TMEM41B: variants seen among roughly 807,000 people sequenced by gnomAD.
TMEM41B encodes transmembrane protein 41B, also known as protein stasimon.
A neutral mutation model predicts 31.9 loss-of-function variants in TMEM41B; 18 were observed. The ratio of observed to expected loss-of-function variants is 0.56; its 90% CI spans 0.39 to 0.84. The LOEUF is 0.84. Ranked by LOEUF, TMEM41B falls within the 40% of genes least tolerant of loss-of-function variation. The probability of loss-of-function intolerance (pLI) is 0.00; values close to 1 mark genes in which losing one functional copy is unlikely to be tolerated. For missense variants in TMEM41B, 322 were observed against 348.0 expected (o/e 0.93, Z 0.59); for synonymous variants, 144 against 124.3 (o/e 1.16, Z -1.05).
chr11:9,287,700 A>T lies in TMEM41B; in HGVS notation c.567+2T>A. Reference sequence around the variant, plus strand: ...TCAAATAATTTAAAAATACATGTTTACCTGCTGTGACCATTTTACTGCTTT... The same window carrying T: ...TCAAATAATTTAAAAATACATGTTTTCCTGCTGTGACCATTTTACTGCTTT... On this transcript the variant is annotated splice_donor_variant, in intron 5 of 6. Coordinates refer to ENST00000528080, the MANE Select transcript of TMEM41B (RefSeq NM_015012.4). LOFTEE classifies it high-confidence loss of function. 8 of 1,596,306 alleles carry T rather than the reference A, an allele frequency of 5.0e-6. No homozygotes were observed. The highest frequency in any genetic ancestry group is 6.8e-6 in the Non-Finnish European group (8 of 1,168,284).
chr11:9,288,655 G>T, intron 3 of TMEM41B, 120 bp from the exon 4 acceptor site: 1 of 671,162 alleles, frequency 1.5e-6, no homozygotes, highest in Non-Finnish European at 2.4e-6. Flanking sequence ...TATATCCAAA[G>T]GTCTAGCCTC....
intron 1 of TMEM41B, among the ~76,000 whole-genome samples, chr11:9,310,601 A>G (rs1853534118): frequency 6.6e-6 from 1 of 151,766 alleles, no homozygotes; most frequent in Non-Finnish European, 1.5e-5. Context: ...AAACACCACC[A>G]AAAAAGTTAT....
intron 1 of TMEM41B, among the ~76,000 whole-genome samples, chr11:9,305,083 A>G (rs1176250035): frequency 6.6e-6 from 1 of 152,162 alleles, no homozygotes; most frequent in Non-Finnish European, 1.5e-5. Context: ...TGAGCCATAG[A>G]ACCGGGCTAG....
At chr11:9,299,762 T>C in intron 1 of TMEM41B, 61 bp from the exon 2 acceptor site, 1 of 1,171,726 alleles carries the variant, frequency 8.5e-7, no homozygotes, top group Non-Finnish European at 1.3e-6. Flanking sequence ...TAGCAAATAA[T>C]TTCTGTACAT....
Position 9,281,022 on chromosome 11 carries a change from T to C in TMEM41B, c.*2402A>G, listed in dbSNP as rs1330424949. The C allele has an allele frequency of 2.0e-5, 3 of 151,828 alleles. No homozygotes were observed. Among genetic ancestry groups the C allele is most frequent in the Admixed American group, 6.6e-5 (1 of 15,212 alleles). 9.4% of individuals were successfully genotyped at this position (151,828 alleles called of 1,614,324 possible). A position where few individuals can be genotyped will look rare whatever the true frequency, so the allele number is the denominator to read the frequency against. On this transcript the variant is annotated 3_prime_UTR_variant, in exon 7 of 7. Coordinates refer to ENST00000528080, the MANE Select transcript of TMEM41B (RefSeq NM_015012.4). ...TCTATTCTCTTAGGAGAAGAAAATA[T>C]ACCCCACCTAAAGTCGCAGCTACCA...
At chr11:9,288,566 T>C (rs372843057) in intron 3 of TMEM41B, 31 bp from the exon 4 acceptor site, 15 of 1,436,966 alleles carry the variant, frequency 1.0e-5, no homozygotes, top group Admixed American at 2.3e-5. Flanking sequence ...GATTAGAATA[T>C]AATTAAGTAG....
rs1012920721 is a variant in TMEM41B, at chr11:9,283,584, G to A, written c.716C>T (p.Pro239Leu). ...FFIGTFLGVA[P>L]PSFVAIKAGT... ...TGCCTTAATGGCTACAAAAGAAGGA[G>A]GTGCGACACCTGAAATAAAATATAA... is the stretch of plus-strand genomic sequence containing the variant. The change falls in exon 7 of 7, where the codon CCT becomes CTT. Residue 239 changes from proline (P) to leucine (L), a missense_variant. This residue lies in a region of TMEM41B where 92 missense variants were observed against 88.0 expected (regional missense o/e 1.05). Transcript: ENST00000528080. The A allele has an allele frequency of 1.2e-5, 19 of 1,599,876 alleles. No individual in the cohort carries two copies. Among genetic ancestry groups the A allele is most frequent in the Non-Finnish European group, 1.4e-5 (16 of 1,176,530 alleles).
chr11:9,297,903 A>T (rs1853138554), intron 2 of TMEM41B, among the ~76,000 whole-genome samples: 1 of 150,898 alleles, frequency 6.6e-6, no homozygotes, highest in African/African-American at 2.4e-5. Flanking sequence ...TGTCTCTACA[A>T]AAAATTAAAG....
At chr11:9,302,772 T>A (rs1853289399) in intron 1 of TMEM41B, among the ~76,000 whole-genome samples, 2 of 99,914 alleles carry the variant, frequency 2.0e-5, no homozygotes, top group Non-Finnish European at 2.1e-5. Flanking sequence ...TTCATGCACA[T>A]TAAAGTTTGA....
rs1397487243 is a variant in TMEM41B at position 9,281,346 on chromosome 11, AAAT to A, written c.*2075_*2077del. The A allele has an allele frequency of 6.6e-6, 1 of 152,226 alleles. No homozygotes were observed. The highest frequency in any genetic ancestry group is 1.5e-5 in the Non-Finnish European group (1 of 68,042). 9.4% of individuals were successfully genotyped at this position (152,226 alleles called of 1,614,324 possible). On this transcript the variant is annotated 3_prime_UTR_variant, in exon 7 of 7. Coordinates refer to ENST00000528080, the MANE Select transcript of TMEM41B (RefSeq NM_015012.4). ...TAAGAAAGGAAGAAAGCCTTGCTAG[AAAT>A]AATAAATAATCTCACGCAAAAGGCC...
At chr11:9,287,225 T>C (rs1033467080) in intron 5 of TMEM41B, among the ~76,000 whole-genome samples, 2 of 151,378 alleles carry the variant, frequency 1.3e-5, no homozygotes, top group African/African-American at 4.9e-5. Flanking sequence ...GCAGGAGAAA[T>C]GCTTGAACCG....
At chr11:9,288,321 C>T (rs958934011) in intron 4 of TMEM41B, 121 bp downstream of exon 4, 12 of 677,580 alleles carry the variant, frequency 1.8e-5, no homozygotes, top group Non-Finnish European at 2.8e-5. Context: ...GGGACTTTAA[C>T]ATTAACTCCT....
At position 9,295,329 on chromosome 11, in the gene TMEM41B, T is replaced by C. The variant is rs1254675976; in HGVS notation, c.298A>G (p.Lys100Glu). Reference protein sequence around the residue: ...RDMDDAKALGKVLSKYKDTFY... With the variant: ...RDMDDAKALGEVLSKYKDTFY... Reference sequence around the variant, plus strand: ...GTGTCCTTGTATTTGGATAAAACTTTTCCTAGAGCCTTGGCATCATCCATA... The same window carrying C: ...GTGTCCTTGTATTTGGATAAAACTTCTCCTAGAGCCTTGGCATCATCCATA... The change falls in exon 3 of 7, where the codon AAA becomes GAA. Residue 100 changes from lysine (K) to glutamate (E), a missense_variant. Coordinates refer to ENST00000528080, the MANE Select transcript of TMEM41B (RefSeq NM_015012.4). The C allele has an allele frequency of 2.5e-6, 4 of 1,601,260 alleles. No individual in the cohort carries two copies. The highest frequency in any genetic ancestry group is 2.6e-6 in the Non-Finnish European group (3 of 1,172,456).
At chr11:9,289,328 T>A (rs1852903406) in intron 3 of TMEM41B, among the ~76,000 whole-genome samples, 1 of 152,140 alleles carries the variant, frequency 6.6e-6, no homozygotes, top group Non-Finnish European at 1.5e-5. Flanking sequence ...AGATTTTTTT[T>A]TTTTTTTACT....
intron 1 of TMEM41B, among the ~76,000 whole-genome samples, chr11:9,300,456 C>CT (rs1184665771): frequency 6.6e-6 from 1 of 152,142 alleles, no homozygotes; most frequent in African/African-American, 2.4e-5. Flanking sequence ...AAATGTTATA[C>CT]TTTCTCTTTA....
At chr11:9,285,687 C>T (rs1447694551) in intron 6 of TMEM41B, among the ~76,000 whole-genome samples, 1 of 151,756 alleles carries the variant, frequency 6.6e-6, no homozygotes, top group Non-Finnish European at 1.5e-5. Context: ...CTTTTGATAA[C>T]ATCCGCGATA....
intron 6 of TMEM41B, among the ~76,000 whole-genome samples, chr11:9,283,997 T>G (rs1191155716): frequency 6.6e-6 from 1 of 151,984 alleles, no homozygotes; most frequent in Non-Finnish European, 1.5e-5. Context: ...TTGGTCAGAA[T>G]GGTCTCAAAC....
intron 6 of TMEM41B, among the ~76,000 whole-genome samples, 198 bp downstream of exon 6, chr11:9,286,257 G>A (rs1411083365): frequency 6.6e-6 from 1 of 152,082 alleles, no homozygotes; most frequent in African/African-American, 2.4e-5. Context: ...TCTTTAAAGA[G>A]GCGACACAAA....
rs1852763145 is a variant in TMEM41B at position 9,283,291 on chromosome 11, ACTAT to A, written c.*129_*132del. 7 of 707,658 alleles carry A rather than the reference ACTAT, an allele frequency of 9.9e-6. No homozygotes were observed. In the Middle Eastern group the frequency reaches 1.2e-3, roughly 122 times the overall value. The allele number at this position is 707,658 out of a possible 1,614,324, so 43.8% of individuals were successfully genotyped here. ...CTTGTCACTTAAATGTATTACTTTA[ACTAT>A]CTGATAGGAAATTTTATTTTACAAA... is the stretch of plus-strand genomic sequence containing the variant. On this transcript the variant is annotated 3_prime_UTR_variant, in exon 7 of 7. Transcript: ENST00000528080.
Sources: gnomAD v4.1 joint callset for allele counts (sites outside exome capture counted in the v4.1 genomes callset) on GRCh38, gnomAD v4.1.1 for gene constraint, gnomAD v4.1.1 regional missense constraint, MANE v1.5 for transcripts, NCBI Gene and HGNC (gene_info 2026-07-23, HGNC 2026-07-21) for gene names.